RXFP2: variants seen among roughly 807,000 people sequenced by gnomAD.
RXFP2 encodes the protein relaxin family peptide receptor 2, also known as relaxin receptor 2.
In RXFP2, 68 loss-of-function variants were observed where a neutral mutation model predicts 88.6. The observed-to-expected ratio is 0.77, with a 90% CI of 0.63 to 0.94. The LOEUF (loss-of-function observed/expected upper bound fraction) is 0.94, where lower values mean the gene tolerates loss of function less well. Among genes scored for constraint, RXFP2 ranks in the 40% least tolerant of loss-of-function variants. The pLI, the probability that RXFP2 is intolerant of heterozygous loss-of-function variation, is 0.00. For synonymous variants in RXFP2, 329 were observed against 306.8 expected, an observed-to-expected ratio of 1.07 and a Z score of -0.76; for missense variants, 791 against 893.9, an observed-to-expected ratio of 0.88 and a Z score of 1.47.
At chr13:31,779,126 C>CTTTT (rs1167145629) in intron 9 of RXFP2, among the ~76,000 whole-genome samples, 1 of 120,830 alleles carries the variant, frequency 8.3e-6, no homozygotes, top group African/African-American at 3.1e-5. Context: ...TTGGGCTTGT[C>CTTTT]TTTTTTTTTT....
intron 8 of RXFP2, 124 bp downstream of exon 8, chr13:31,777,571 C>A: frequency 2.9e-6 from 2 of 700,518 alleles, no homozygotes; most frequent in South Asian, 1.6e-5. Flanking sequence ...AAAACTTCTC[C>A]TGTGTTTCCA....
intron 16 of RXFP2, among the ~76,000 whole-genome samples, chr13:31,793,953 G>C (rs746218511): frequency 1.3e-5 from 2 of 151,976 alleles, no homozygotes; most frequent in Non-Finnish European, 2.9e-5. Flanking sequence ...TACTGGTCTC[G>C]TAACCTCTGG....
intron 16 of RXFP2, among the ~76,000 whole-genome samples, chr13:31,796,804 T>C (rs963819420): frequency 1.3e-5 from 2 of 152,250 alleles, no homozygotes; most frequent in African/African-American, 4.8e-5. Flanking sequence ...TAAGCATTTG[T>C]AATTTGAAAA....
rs773578164 is a variant in RXFP2, at chr13:31,775,307, G to T, written c.570-11G>T. 6.2e-7 allele frequency: 1 copy of T among 1,607,778 alleles called. No individual in the cohort carries two copies. Among genetic ancestry groups the T allele is most frequent in the Admixed American group, 1.7e-5 (1 of 59,984 alleles). ...GAGTTTGCCTAATTAACTCACCCAT[G>T]CTATTTGTAGATATCTCAACCACAA... On this transcript the variant is annotated splice_polypyrimidine_tract_variant and intron_variant, in intron 6 of 17. Transcript: ENST00000298386.
chr13:31,778,015 T>C (rs1873077545), intron 8 of RXFP2, among the ~76,000 whole-genome samples: 1 of 152,194 alleles, frequency 6.6e-6, no homozygotes, highest in Non-Finnish European at 1.5e-5. Flanking sequence ...AACCACAATA[T>C]CATAAATTAA....
chr13:31,763,143 A>G (rs1159206660), intron 3 of RXFP2, among the ~76,000 whole-genome samples: 2 of 145,332 alleles, frequency 1.4e-5, no homozygotes, highest in African/African-American at 5.1e-5. Context: ...GAGTGCAGTG[A>G]TACAATCACA....
chr13:31,779,486 A>G (rs1203733649), intron 9 of RXFP2, among the ~76,000 whole-genome samples: 1 of 152,176 alleles, frequency 6.6e-6, no homozygotes, highest in East Asian at 1.9e-4. Flanking sequence ...TAGGTGCTCA[A>G]TAAGCCTTTG....
At position 31,797,233 on chromosome 13, in the gene RXFP2, T is replaced by C. The variant is rs756872135; in HGVS notation, c.1819T>C (p.Phe607Leu). 1.2e-6 allele frequency: 2 copies of C among 1,613,836 alleles called. No individual in the cohort carries two copies. The highest frequency in any genetic ancestry group is 1.7e-6 in the Non-Finnish European group (2 of 1,179,714). The part of the protein sequence containing the change: ...VNLLAFLIIV[F>L]SYITMFCSIQ... The stretch of plus-strand genomic sequence containing the variant: ...CTTGCTGGCTTTTCTCATCATTGTG[T>C]TTTCCTATATTACTATGTTCTGTTC... Residue 607 changes from phenylalanine to leucine, a missense_variant, in exon 17 of 18, where the codon TTT becomes CTT. Transcript: ENST00000298386.
rs1168265496 is a variant in RXFP2, at chr13:31,802,315, C to T, written c.2175C>T (p.Ser725=). The T allele has an allele frequency of 1.4e-5, 22 of 1,611,656 alleles. No individual in the cohort carries two copies. Among genetic ancestry groups the T allele is most frequent in the Non-Finnish European group, 1.8e-5 (21 of 1,177,822 alleles). The change falls in exon 18 of 18, where the codon TCC becomes TCT. Residue 725 remains serine, a synonymous_variant. Transcript: ENST00000298386. ...FKIKKKSLST[S]IVWIEDSSSL... Reference sequence around the variant, plus strand: ...TTAAAAAAAAAAGTTTATCTACATCCATTGTGTGGATAGAGGACTCCTCTT... The same window carrying T: ...TTAAAAAAAAAAGTTTATCTACATCTATTGTGTGGATAGAGGACTCCTCTT...
intron 5 of RXFP2, among the ~76,000 whole-genome samples, chr13:31,769,118 G>GAA (rs1872648688): frequency 6.6e-6 from 1 of 152,152 alleles, no homozygotes. Context: ...ATGAAAAGAT[G>GAA]AAATTAAGCT....
intron 4 of RXFP2, 114 bp from the exon 5 acceptor site, chr13:31,765,842 T>C (rs1348277504): frequency 7.6e-6 from 5 of 655,828 alleles, no homozygotes; most frequent in Non-Finnish European, 8.3e-6. Context: ...TGTTCAAATA[T>C]GGATTAGTAT....
intron 17 of RXFP2, 79 bp downstream of exon 17, chr13:31,797,498 A>T (rs564651874): frequency 3.0e-6 from 3 of 999,636 alleles, no homozygotes; most frequent in Non-Finnish European, 4.8e-6. Flanking sequence ...AGAGTCTAGG[A>T]CACATAATAA....
chr13:31,758,267 T>C lies in RXFP2; in HGVS notation c.104T>C (p.Leu35Pro), dbSNP rs763141862. 1.2e-6 allele frequency: 2 copies of C among 1,614,078 alleles called. No homozygotes were observed. Among genetic ancestry groups the C allele is most frequent in the Non-Finnish European group, 1.7e-6 (2 of 1,179,968 alleles). ...CCCTTCTTTCATGTAGATTTTGCAC[T>C]GACTCAAGGTAGCATGATCACTCCT... ...IVLINVKDFA[L>P]TQGSMITPSC... The change falls in exon 2 of 18, where the codon CTG becomes CCG. Residue 35 changes from leucine to proline, a missense_variant. Physicochemically the swap from Leu to Pro is moderately conservative, Grantham distance 98. Coordinates refer to ENST00000298386, the MANE Select transcript of RXFP2 (RefSeq NM_130806.5).
intron 1 of RXFP2, among the ~76,000 whole-genome samples, chr13:31,754,341 A>G (rs1871824617): frequency 6.6e-6 from 1 of 152,020 alleles, no homozygotes. Context: ...GACCAGCCTG[A>G]CCATTATGGT....
At chr13:31,769,372 C>A (rs187669749) in intron 5 of RXFP2, among the ~76,000 whole-genome samples, 2 of 152,208 alleles carry the variant, frequency 1.3e-5, no homozygotes, top group East Asian at 3.9e-4. Flanking sequence ...TCTAATTGGT[C>A]TTCTACATAC....
chr13:31,792,414 A>G (rs1015508746), intron 15 of RXFP2, among the ~76,000 whole-genome samples: 2 of 152,220 alleles, frequency 1.3e-5, no homozygotes, highest in African/African-American at 4.8e-5. Flanking sequence ...CTGTTTAACA[A>G]CTAGTCCTTC....
chr13:31,786,641 A>G lies in RXFP2; in HGVS notation c.1073+4A>G. ...GTCTTAAACAACTTCAGTCTCTGTA[A>G]GTGAAATATTACAATTATATTGATT... is the stretch of plus-strand genomic sequence containing the variant. On this transcript the variant is annotated splice_donor_region_variant and intron_variant, in intron 13 of 17. Coordinates refer to ENST00000298386, the MANE Select transcript of RXFP2 (RefSeq NM_130806.5). 1.3e-6 allele frequency: 2 copies of G among 1,506,624 alleles called. No individual in the cohort carries two copies. Among genetic ancestry groups the G allele is most frequent in the Non-Finnish European group, 1.8e-6 (2 of 1,083,056 alleles). The allele number at this position is 1,506,624 out of a possible 1,614,324, so 93.3% of individuals were successfully genotyped here. A position where few individuals can be genotyped will look rare whatever the true frequency, so the allele number is the denominator to read the frequency against.
intron 11 of RXFP2, among the ~76,000 whole-genome samples, chr13:31,785,002 A>T (rs1873460507): frequency 6.6e-6 from 1 of 152,210 alleles, no homozygotes; most frequent in Admixed American, 6.5e-5. Flanking sequence ...GGAGTAAATG[A>T]TGCCATTGCC....
chr13:31,792,793 C>A lies in RXFP2; in HGVS notation c.1491C>A (p.Leu497=). ...GGATGGAGAGCGTGCAGTGCCGCCT[C>A]ATGGGGTTCCTGGCCATGCTGTCCA... is the stretch of plus-strand genomic sequence containing the variant. The part of the protein sequence containing the change: ...LLWMESVQCR[L]MGFLAMLSTE... Residue 497 remains leucine (L), a synonymous_variant, in exon 16 of 18, where the codon CTC becomes CTA. Transcript: ENST00000298386. 6.2e-7 allele frequency: 1 copy of A among 1,614,150 alleles called. No homozygotes were observed. Among genetic ancestry groups the A allele is most frequent in the African/African-American group, 1.3e-5 (1 of 75,034 alleles).
Sources: allele counts gnomAD v4.1 joint callset (sites outside exome capture counted in the v4.1 genomes callset), GRCh38; gene constraint gnomAD v4.1.1; transcripts MANE v1.5; gene names NCBI Gene and HGNC (gene_info 2026-07-23, HGNC 2026-07-21).